Variants in IL1RAPL2 observed in about 807,000 individuals in gnomAD.
The protein encoded by IL1RAPL2 is interleukin 1 receptor accessory protein like 2.
In IL1RAPL2, 3 loss-of-function variants were observed where a neutral mutation model predicts 44.1. The observed-to-expected ratio is 0.07, with a 90% CI of 0.03 to 0.18. The LOEUF is 0.18. Among genes scored for constraint, IL1RAPL2 ranks in the 10% least tolerant of loss-of-function variants. The probability of loss-of-function intolerance (pLI) is 1.00; values close to 1 mark genes in which losing one functional copy is unlikely to be tolerated. For missense variants in IL1RAPL2, 391 were observed against 496.4 expected (o/e 0.79, Z 2.02); for synonymous variants, 181 against 178.8 (o/e 1.01, Z -0.10).
At chrX:105,247,891 A>G (rs1205404083) in intron 4 of IL1RAPL2, among the ~76,000 whole-genome samples, 2 of 109,947 alleles carry the variant, frequency 1.8e-5, no homozygotes, top group Admixed American at 9.8e-5. Context: ...TTACTTTCAT[A>G]TATACACATA....
At chrX:105,676,162 C>T (rs2037870674) in intron 6 of IL1RAPL2, 2 of 111,455 alleles carry the variant, frequency 1.8e-5, no homozygotes, top group Admixed American at 1.9e-4. Flanking sequence ...ATTATATGTG[C>T]TATCAAAGTG....
intron 1 of IL1RAPL2, among the ~76,000 whole-genome samples, chrX:104,568,201 C>T (rs1440923530): frequency 9.1e-6 from 1 of 110,294 alleles, no homozygotes; most frequent in Non-Finnish European, 1.9e-5. Flanking sequence ...AGAAGGAATC[C>T]TCCTTTCTTT....
At chrX:104,610,727 C>A (rs1312991313) in intron 1 of IL1RAPL2, among the ~76,000 whole-genome samples, 3 of 111,603 alleles carry the variant, frequency 2.7e-5, no homozygotes, top group Non-Finnish European at 5.6e-5. Context: ...AGATTCAATG[C>A]GATCCCCATC....
chrX:104,993,748 A>C (rs2147733065), intron 2 of IL1RAPL2, among the ~76,000 whole-genome samples: 1 of 111,682 alleles, frequency 9.0e-6, no homozygotes, highest in African/African-American at 3.2e-5. Flanking sequence ...GACAAGTATA[A>C]TTTACATATA....
At chrX:105,042,809 CAA>C (rs1361461348) in intron 2 of IL1RAPL2, among the ~76,000 whole-genome samples, 3 of 107,762 alleles carry the variant, frequency 2.8e-5, no homozygotes, top group African/African-American at 1.0e-4. Flanking sequence ...TTCACAATAG[CAA>C]AGACTTGGAA....
At chrX:105,144,066 TAC>T (rs1258788174) in intron 2 of IL1RAPL2, among the ~76,000 whole-genome samples, 1 of 107,164 alleles carries the variant, frequency 9.3e-6, no homozygotes, top group African/African-American at 3.4e-5. Context: ...CTCCATAGAT[TAC>T]AGTCAGAGTC....
intron 6 of IL1RAPL2, among the ~76,000 whole-genome samples, chrX:105,644,547 G>T (rs2037592147): frequency 9.0e-6 from 1 of 111,109 alleles, no homozygotes; most frequent in African/African-American, 3.3e-5. Flanking sequence ...CCCTCATATT[G>T]TTCTGTCTGA....
intron 2 of IL1RAPL2, among the ~76,000 whole-genome samples, chrX:104,970,957 G>A (rs2030221793): frequency 8.9e-6 from 1 of 112,030 alleles, no homozygotes; most frequent in Non-Finnish European, 1.9e-5. Flanking sequence ...TGCCAGCATT[G>A]TCTTTACCTA....
At chrX:104,811,649 T>G (rs1178201316) in intron 2 of IL1RAPL2, among the ~76,000 whole-genome samples, 1 of 110,645 alleles carries the variant, frequency 9.0e-6, no homozygotes, top group Non-Finnish European at 1.9e-5. Flanking sequence ...TGCAGTTATT[T>G]TAGAAATAAG....
intron 3 of IL1RAPL2, among the ~76,000 whole-genome samples, chrX:105,204,831 C>T (rs1360752953): frequency 8.9e-6 from 1 of 111,735 alleles, no homozygotes; most frequent in Non-Finnish European, 1.9e-5. Context: ...ACTATTGGTT[C>T]TGACTCCAAC....
chrX:104,633,147 T>C (rs1324265807), intron 1 of IL1RAPL2, among the ~76,000 whole-genome samples: 1 of 111,923 alleles, frequency 8.9e-6, no homozygotes, highest in Non-Finnish European at 1.9e-5. Context: ...TTATGTTTAT[T>C]GTTTTGCATA....
chrX:105,306,870 G>A (rs1569421442), intron 5 of IL1RAPL2, among the ~76,000 whole-genome samples: 1 of 110,792 alleles, frequency 9.0e-6, no homozygotes, highest in Admixed American at 9.7e-5. Flanking sequence ...TTTTCACGCT[G>A]CTATAAAGAA....
Position 105,257,964 on chromosome X carries a change from C to T in IL1RAPL2, c.544-9424C>T, listed in dbSNP as rs549563807. On this transcript the variant is annotated intron_variant, in intron 4 of 10. Transcript: ENST00000372582. The stretch of plus-strand genomic sequence containing the variant: ...GTATTAATACGTTTGGATTTGATCC[C>T]GTCATTGTGCTGTTGGCTGGTTATT... Among the ~76,000 whole-genome samples, 57 of 111,515 alleles carry T rather than the reference C, an allele frequency of 5.1e-4. No individual in the cohort carries two copies. In the Middle Eastern group the frequency reaches 0.018, roughly 36 times the overall value.
intron 6 of IL1RAPL2, among the ~76,000 whole-genome samples, chrX:105,527,940 C>G (rs1184738037): frequency 8.9e-6 from 1 of 111,903 alleles, no homozygotes; most frequent in East Asian, 2.8e-4. Context: ...AACTGCTGCC[C>G]AGAAAGCAGG....
intron 5 of IL1RAPL2, among the ~76,000 whole-genome samples, chrX:105,459,184 A>G (rs1182247915): frequency 9.0e-6 from 1 of 111,544 alleles, no homozygotes; most frequent in Non-Finnish European, 1.9e-5. Context: ...CCAACATTCC[A>G]GAAGTGCCCT....
intron 1 of IL1RAPL2, among the ~76,000 whole-genome samples, chrX:104,569,650 TCA>T (rs1928108313): frequency 8.9e-6 from 1 of 112,790 alleles, no homozygotes; most frequent in African/African-American, 3.2e-5. Context: ...AGTGACTATT[TCA>T]GTTTTGTTTA....
intron 5 of IL1RAPL2, among the ~76,000 whole-genome samples, chrX:105,435,863 A>G (rs2035878471): frequency 1.8e-5 from 2 of 110,756 alleles, no homozygotes; most frequent in African/African-American, 6.6e-5. Flanking sequence ...GGACACAGGG[A>G]GGGGAACAAC....
chrX:105,447,422 AAT>A (rs1230532080), intron 5 of IL1RAPL2, among the ~76,000 whole-genome samples: 6 of 72,367 alleles, frequency 8.3e-5, no homozygotes, highest in Non-Finnish European at 1.1e-4. Flanking sequence ...TAAATATATA[AAT>A]ATATATAAAT....
chrX:105,493,140 G>A (rs989910213), intron 6 of IL1RAPL2, among the ~76,000 whole-genome samples: 1 of 111,813 alleles, frequency 8.9e-6, no homozygotes, highest in Non-Finnish European at 1.9e-5. Context: ...AATAATAATC[G>A]ACCACATTTT....
Sources: allele counts gnomAD v4.1 joint callset (sites outside exome capture counted in the v4.1 genomes callset), GRCh38; gene constraint gnomAD v4.1.1; transcripts MANE v1.5; gene names NCBI Gene and HGNC (gene_info 2026-07-23, HGNC 2026-07-21).